Variants in NAV3 observed in about 807,000 individuals in gnomAD.
NAV3 encodes pore membrane and/or filament interacting like protein 1.
A neutral mutation model predicts 244.7 loss-of-function variants in NAV3; 87 were observed. The ratio of observed to expected loss-of-function variants is 0.36; its 90% CI spans 0.30 to 0.42. The LOEUF (loss-of-function observed/expected upper bound fraction) is 0.42. Ranked by LOEUF, NAV3 falls within the 20% of genes least tolerant of loss-of-function variation. NAV3 has a pLI of 1.00. For synonymous variants in NAV3, 1,126 were observed against 1,042.2 expected, an observed-to-expected ratio of 1.08 and a Z score of -1.55; for missense variants, 2,663 against 2,893.3, an observed-to-expected ratio of 0.92 and a Z score of 1.83.
chr12:77,853,496 T>C (rs1877871619), intron 1 of NAV3, among the ~76,000 whole-genome samples: 1 of 152,216 alleles, frequency 6.6e-6, no homozygotes, highest in Admixed American at 6.5e-5. Flanking sequence ...TAATCCAATG[T>C]ATCAATTTTT....
intron 2 of NAV3, among the ~76,000 whole-genome samples, chr12:77,645,653 G>C (rs924496730): frequency 2.0e-5 from 3 of 148,184 alleles, no homozygotes; most frequent in African/African-American, 7.5e-5. Context: ...TTCTATTTCT[G>C]TTTGCAAATA....
chr12:77,756,131 A>G (rs748602099), intron 2 of NAV3, among the ~76,000 whole-genome samples: 3 of 152,204 alleles, frequency 2.0e-5, no homozygotes, highest in Non-Finnish European at 4.4e-5. Flanking sequence ...GAAGTGAGTG[A>G]GGACTATATG....
chr12:77,949,033 GA>G (rs1890629250), intron 3 of NAV3, among the ~76,000 whole-genome samples: 1 of 151,904 alleles, frequency 6.6e-6, no homozygotes, highest in Non-Finnish European at 1.5e-5. Flanking sequence ...ATTTTAATAT[GA>G]ATTCAGTTAA....
intron 31 of NAV3, among the ~76,000 whole-genome samples, chr12:78,186,316 C>A (rs1262297941): frequency 2.0e-5 from 3 of 151,694 alleles, no homozygotes; most frequent in African/African-American, 7.3e-5. Context: ...GTTGAGTGGC[C>A]AAAAATACAA....
Position 78,137,185 on chromosome 12 carries a change from A to T in NAV3, c.4450A>T (p.Thr1484Ser). ...TGTGTTTTGTTTTTCAGTGAGCCCAACAAATTTGTCTCAGTTTAACCTTCC... is the reference window on the plus strand; with the variant it reads ...TGTGTTTTGTTTTTCAGTGAGCCCATCAAATTTGTCTCAGTTTAACCTTCC... ...KYHFSNLVSP[T>S]NLSQFNLPGP... The change falls in exon 19 of 40, where the codon ACA (threonine) becomes TCA (serine). Residue 1484 changes from threonine to serine, a missense_variant. Thr to Ser is a moderately conservative substitution (Grantham distance 58). This residue lies in a region of NAV3 where 354 missense variants were observed against 413.0 expected (regional missense o/e 0.86). Transcript: ENST00000397909. The T allele has an allele frequency of 6.2e-7, 1 of 1,610,348 alleles. No individual in the cohort carries two copies. Among genetic ancestry groups the T allele is most frequent in the Non-Finnish European group, 8.5e-7 (1 of 1,178,320 alleles).
chr12:77,721,479 C>T (rs1448010913), intron 2 of NAV3, among the ~76,000 whole-genome samples: 1 of 151,994 alleles, frequency 6.6e-6, no homozygotes, highest in African/African-American at 2.4e-5. Flanking sequence ...TGTTTATAGC[C>T]ATTTAAGATA....
At chr12:77,619,026 G>T (rs1331066165) in intron 2 of NAV3, among the ~76,000 whole-genome samples, 1 of 152,120 alleles carries the variant, frequency 6.6e-6, no homozygotes, top group Non-Finnish European at 1.5e-5. Context: ...TCCAAAATAA[G>T]AATCTTCTTG....
At chr12:77,961,508 A>C (rs1891985321) in intron 3 of NAV3, among the ~76,000 whole-genome samples, 1 of 126,900 alleles carries the variant, frequency 7.9e-6, no homozygotes, top group South Asian at 2.6e-4. Flanking sequence ...GTAATATATT[A>C]AATATATAAT....
At position 78,119,768 on chromosome 12, in the gene NAV3, C is replaced by G. The variant is rs1355243760; in HGVS notation, c.3572C>G (p.Pro1191Arg). 1 of 1,613,908 alleles carries G rather than the reference C, an allele frequency of 6.2e-7. No individual in the cohort carries two copies. Among genetic ancestry groups the G allele is most frequent in the Non-Finnish European group, 8.5e-7 (1 of 1,180,020 alleles). ...AAAATTGGGTCAGGGCGCTCGAGTC[C>G]TGTCACCGTCAACCAAACAGACAAG... Reference protein sequence around the residue: ...PTKIGSGRSSPVTVNQTDKEK... With the variant: ...PTKIGSGRSSRVTVNQTDKEK... Residue 1191 changes from proline (P) to arginine (R), a missense_variant, in exon 15 of 40, where the codon CCT becomes CGT. Physicochemically the swap from Pro to Arg is moderately radical, Grantham distance 103. Transcript: ENST00000397909.
intron 2 of NAV3, among the ~76,000 whole-genome samples, chr12:77,616,981 G>A (rs1042871575): frequency 1.4e-4 from 21 of 151,974 alleles, no homozygotes; most frequent in African/African-American, 3.1e-4. Flanking sequence ...AATAGAATTC[G>A]CTATAGCATT....
At chr12:78,014,587 G>A (rs1368724357) in intron 8 of NAV3, among the ~76,000 whole-genome samples, 1 of 152,006 alleles carries the variant, frequency 6.6e-6, no homozygotes, top group Non-Finnish European at 1.5e-5. Flanking sequence ...ATTTCTGTGG[G>A]ACTATAGATT....
chr12:78,092,274 A>G (rs1953985380), intron 12 of NAV3, among the ~76,000 whole-genome samples: 1 of 152,154 alleles, frequency 6.6e-6, no homozygotes, highest in African/African-American at 2.4e-5. Flanking sequence ...AGGTTTAAAT[A>G]CAAACTCATT....
intron 2 of NAV3, among the ~76,000 whole-genome samples, chr12:77,778,780 A>G (rs540782288): frequency 6.6e-6 from 1 of 152,286 alleles, no homozygotes; most frequent in Non-Finnish European, 1.5e-5. Flanking sequence ...ATGTTCACAT[A>G]ATTATAAAAC....
chr12:77,806,518 G>A (rs1051606144), intron 2 of NAV3, among the ~76,000 whole-genome samples: 1 of 152,174 alleles, frequency 6.6e-6, no homozygotes, highest in African/African-American at 2.4e-5. Context: ...TGATTGCACT[G>A]TTGTCTGAGA....
intron 1 of NAV3, among the ~76,000 whole-genome samples, chr12:77,849,431 T>G (rs1253888461): frequency 6.6e-6 from 1 of 152,148 alleles, no homozygotes; most frequent in Non-Finnish European, 1.5e-5. Flanking sequence ...AAATCTGAAA[T>G]TCTCCAAAAT....
intron 2 of NAV3, among the ~76,000 whole-genome samples, chr12:77,732,901 G>C (rs1450026629): frequency 3.3e-5 from 5 of 152,018 alleles, no homozygotes; most frequent in Non-Finnish European, 5.9e-5. Context: ...GATGTATGAT[G>C]CACATTTAAA....
intron 24 of NAV3, among the ~76,000 whole-genome samples, chr12:78,174,856 A>T (rs550344335): frequency 1.2e-3 from 179 of 152,142 alleles, no homozygotes; most frequent in Admixed American, 3.3e-3. Flanking sequence ...GTATGATTCT[A>T]TGAAATGGAA....
intron 11 of NAV3, chr12:78,056,062 T>C (rs1593414319): frequency 6.6e-6 from 1 of 152,206 alleles, no homozygotes; most frequent in South Asian, 2.1e-4. Flanking sequence ...ACATGTCTTA[T>C]GTTGACAAGT....
intron 5 of NAV3, among the ~76,000 whole-genome samples, chr12:77,980,421 A>G (rs544196145): frequency 6.6e-6 from 1 of 152,304 alleles, no homozygotes; most frequent in South Asian, 2.1e-4. Context: ...TCATCTTTTA[A>G]ATGTAATAAA....
Sources: gnomAD v4.1 joint callset for allele counts (sites outside exome capture counted in the v4.1 genomes callset) on GRCh38, gnomAD v4.1.1 for gene constraint, gnomAD v4.1.1 regional missense constraint, MANE v1.5 for transcripts, NCBI Gene and HGNC (gene_info 2026-07-23, HGNC 2026-07-21) for gene names.